Variants in PPFIA2 observed in about 807,000 individuals in gnomAD.
PPFIA2 encodes the protein PPFI scaffold protein A2.
In PPFIA2, 46 loss-of-function variants were observed where a neutral mutation model predicts 175.5. The ratio of observed to expected loss-of-function variants is 0.26; its 90% confidence interval spans 0.21 to 0.34. The LOEUF (loss-of-function observed/expected upper bound fraction) is 0.34. PPFIA2 is among the 10% of genes least tolerant of loss of function. The pLI is 1.00. For synonymous variants in PPFIA2, 568 were observed against 511.4 expected, an observed-to-expected ratio of 1.11 and a Z score of -1.49; for missense variants, 1,179 against 1,506.1, an observed-to-expected ratio of 0.78 and a Z score of 3.60.
In PPFIA2 at chr12:81,440,059, T is replaced by C. The variant is rs1249670071; in HGVS notation, c.571-13A>G. 18 of 1,582,782 alleles carry C rather than the reference T, an allele frequency of 1.1e-5. No individual in the cohort carries two copies. Among genetic ancestry groups the C allele is most frequent in the Non-Finnish European group, 1.5e-5 (18 of 1,163,690 alleles). ...GTCGCTCCCTTACCTAGAAGAAAAA[T>C]CAAAATATGTGCAGTAATGTACATC... On this transcript the variant is annotated splice_polypyrimidine_tract_variant and intron_variant, in intron 6 of 32. Coordinates refer to ENST00000549396, the MANE Select transcript of PPFIA2 (RefSeq NM_003625.5).
chr12:81,688,801 A>AT (rs2074815371), intron 3 of PPFIA2, among the ~76,000 whole-genome samples: 1 of 70,138 alleles, frequency 1.4e-5, no homozygotes. Flanking sequence ...GTGGTTTATT[A>AT]AATATATATA....
At chr12:81,355,895 C>A (rs959762884) in intron 16 of PPFIA2, among the ~76,000 whole-genome samples, 2 of 152,160 alleles carry the variant, frequency 1.3e-5, no homozygotes, top group African/African-American at 4.8e-5. Context: ...ACCACTAAAA[C>A]GTTCTCCATA....
chr12:81,512,227 G>T lies in PPFIA2; in HGVS notation c.304-54361C>A. ...CATCCCTTACTTAAAGTCCCTTAACGGCTCCCTAATGCCTTCATTACAAAA... is the reference window on the plus strand; with the variant it reads ...CATCCCTTACTTAAAGTCCCTTAACTGCTCCCTAATGCCTTCATTACAAAA... On this transcript the variant is annotated intron_variant, in intron 4 of 32. Coordinates refer to ENST00000549396, the MANE Select transcript of PPFIA2 (RefSeq NM_003625.5). 3 of 930,872 alleles carry T rather than the reference G, an allele frequency of 3.2e-6. No individual in the cohort carries two copies. In the South Asian group the frequency reaches 4.1e-5, roughly 13 times the overall value. 57.7% of individuals were successfully genotyped at this position (930,872 alleles called of 1,614,324 possible). A position where few individuals can be genotyped will look rare whatever the true frequency, so the allele number is the denominator to read the frequency against.
At chr12:81,699,715 T>C (rs1387609065) in intron 3 of PPFIA2, among the ~76,000 whole-genome samples, 1 of 152,012 alleles carries the variant, frequency 6.6e-6, no homozygotes, top group Non-Finnish European at 1.5e-5. Context: ...CTCTATCATA[T>C]AATATTAAGC....
At chr12:81,524,108 G>A (rs983883233) in intron 4 of PPFIA2, among the ~76,000 whole-genome samples, 18 of 152,182 alleles carry the variant, frequency 1.2e-4, no homozygotes, top group African/African-American at 4.3e-4. Context: ...AGGAAGTCAT[G>A]AAGAACATCA....
chr12:81,435,615 TA>T (rs2048843215), intron 7 of PPFIA2, among the ~76,000 whole-genome samples: 1 of 151,994 alleles, frequency 6.6e-6, no homozygotes, highest in South Asian at 2.1e-4. Flanking sequence ...ACTCTATATA[TA>T]ATAATGATAG....
chr12:81,658,510 A>C (rs1351012887), intron 4 of PPFIA2, among the ~76,000 whole-genome samples: 1 of 151,972 alleles, frequency 6.6e-6, no homozygotes, highest in African/African-American at 2.4e-5. Context: ...TGTTTTTTCC[A>C]GAAAAACATC....
At chr12:81,628,376 C>CTTTTTTTTTT (rs11304359) in intron 4 of PPFIA2, among the ~76,000 whole-genome samples, 2 of 111,676 alleles carry the variant, frequency 1.8e-5, no homozygotes, top group East Asian at 2.8e-4. Context: ...TTTCTTTTAC[C>CTTTTTTTTTT]TTTTTTTTTT....
chr12:81,616,979 C>G, intron 4 of PPFIA2, among the ~76,000 whole-genome samples: 1 of 152,130 alleles, frequency 6.6e-6, no homozygotes, highest in East Asian at 1.9e-4. Context: ...AGCATGGGCT[C>G]TAGTGTCAAA....
intron 3 of PPFIA2, among the ~76,000 whole-genome samples, chr12:81,706,059 G>A (rs1041229610): frequency 1.3e-5 from 2 of 151,984 alleles, no homozygotes; most frequent in African/African-American, 2.4e-5. Flanking sequence ...TCAAAAATTT[G>A]AAACTGCATG....
chr12:81,504,305 A>G (rs983248642), intron 4 of PPFIA2, among the ~76,000 whole-genome samples: 2 of 152,132 alleles, frequency 1.3e-5, no homozygotes, highest in Admixed American at 6.5e-5. Context: ...TACGAGAAAA[A>G]TCAAACAACC....
At chr12:81,269,388 T>G (rs1378619141) in intron 28 of PPFIA2, among the ~76,000 whole-genome samples, 1 of 152,234 alleles carries the variant, frequency 6.6e-6, no homozygotes, top group Non-Finnish European at 1.5e-5. Flanking sequence ...GCCTAGCTCT[T>G]TCAGACAAAG....
intron 4 of PPFIA2, among the ~76,000 whole-genome samples, chr12:81,462,262 T>C (rs937682723): frequency 1.5e-5 from 2 of 134,758 alleles, no homozygotes; most frequent in African/African-American, 6.1e-5. Context: ...AACATATATA[T>C]ATATATATAT....
intron 4 of PPFIA2, among the ~76,000 whole-genome samples, chr12:81,557,531 C>A (rs530839369): frequency 6.6e-6 from 1 of 152,090 alleles, no homozygotes; most frequent in East Asian, 1.9e-4. Flanking sequence ...ACTGGTCAAC[C>A]CTAGCAAGCT....
At chr12:81,504,433 A>T (rs1311247996) in intron 4 of PPFIA2, among the ~76,000 whole-genome samples, 3 of 152,174 alleles carry the variant, frequency 2.0e-5, no homozygotes, top group African/African-American at 7.2e-5. Context: ...GCAAATCAAA[A>T]CCACAATGAG....
chr12:81,624,841 G>A (rs2062504697), intron 4 of PPFIA2, among the ~76,000 whole-genome samples: 1 of 150,292 alleles, frequency 6.7e-6, no homozygotes, highest in African/African-American at 2.4e-5. Flanking sequence ...AGGGTGGAGG[G>A]TGACCAGGGA....
chr12:81,684,900 T>A (rs1309191491), intron 3 of PPFIA2, among the ~76,000 whole-genome samples: 1 of 152,028 alleles, frequency 6.6e-6, no homozygotes, highest in Non-Finnish European at 1.5e-5. Context: ...TATTTAATAG[T>A]CAATAAACAA....
At chr12:81,452,961 C>T (rs1301084823) in intron 5 of PPFIA2, among the ~76,000 whole-genome samples, 1 of 151,868 alleles carries the variant, frequency 6.6e-6, no homozygotes, top group Non-Finnish European at 1.5e-5. Flanking sequence ...AATATGAATA[C>T]TGTTTCTCAA....
chr12:81,642,521 G>C (rs1241875481), intron 4 of PPFIA2, among the ~76,000 whole-genome samples: 4 of 149,590 alleles, frequency 2.7e-5, no homozygotes, highest in African/African-American at 7.4e-5. Context: ...AATGTCCTTA[G>C]TACAGTGTTA....
Sources: allele counts gnomAD v4.1 joint callset (sites outside exome capture counted in the v4.1 genomes callset), GRCh38; gene constraint gnomAD v4.1.1; transcripts MANE v1.5; gene names NCBI Gene and HGNC (gene_info 2026-07-23, HGNC 2026-07-21).